Variants in LCTL observed in about 807,000 individuals in gnomAD.
LCTL encodes the protein lactase like, also known as lactase-like protein.
LCTL carries 76 observed loss-of-function variants against 75.8 expected under a neutral mutation model. That is an observed-to-expected ratio of 1.00 (90% CI 0.83 to 1.21). The LOEUF is 1.21. Among genes scored for constraint, LCTL ranks in the 50% most tolerant of loss-of-function variants. LCTL has a pLI of 0.00. For synonymous variants in LCTL, 271 were observed against 268.8 expected (o/e 1.01, Z -0.08); for missense variants, 670 against 712.4 (o/e 0.94, Z 0.68).
At chr15:66,561,454 T>C in intron 4 of LCTL, 139 bp from the exon 6 acceptor site, 1 of 923,374 alleles carries the variant, frequency 1.1e-6, no homozygotes, top group Non-Finnish European at 1.7e-6. Flanking sequence ...TAGAAAGAAC[T>C]GGATGGATTG....
intron 6 of LCTL, among the ~76,000 whole-genome samples, chr15:66,560,365 G>T (rs1429489776): frequency 6.6e-6 from 1 of 152,020 alleles, no homozygotes; most frequent in African/African-American, 2.4e-5. Context: ...CTTCCCCAGC[G>T]ACAAGGCTTT....
chr15:66,557,152 G>C lies in LCTL; in HGVS notation c.922+570C>G, dbSNP rs554221919. 2.6e-5 allele frequency among the ~76,000 whole-genome samples: 4 copies of C among 152,228 alleles called. No individual in the cohort carries two copies. In the South Asian group the frequency reaches 8.3e-4, roughly 32 times the overall value. ...TGGGTCCTCAAGGGCACCCCTGAAG[G>C]CTAGATTACCTAGCCCTGCATCACC... On this transcript the variant is annotated intron_variant, in intron 8 of 12. Coordinates refer to ENST00000341509, the Ensembl canonical transcript of LCTL.
At chr15:66,559,021 T>G (rs1028651155) in intron 6 of LCTL, among the ~76,000 whole-genome samples, 1 of 151,766 alleles carries the variant, frequency 6.6e-6, no homozygotes, top group Admixed American at 6.6e-5. Context: ...AATAAGCTTG[T>G]TTTTTGTTTT....
exon 5 of LCTL, chr15:66,561,232 G>T (rs1372871896): frequency 6.2e-7 from 1 of 1,614,100 alleles, no homozygotes; most frequent in Non-Finnish European, 8.5e-7. Context: ...GGTCCCCAAA[G>T]GCCTCAAAGC....
chr15:66,564,353 G>T (rs1454585131), intron 2 of LCTL: 2 of 470,354 alleles, frequency 4.3e-6, no homozygotes, highest in Admixed American at 7.3e-5. Context: ...GGGACCAGGG[G>T]TTCAGGCCAC....
intron 9 of LCTL, among the ~76,000 whole-genome samples, chr15:66,552,603 G>C (rs1006901166): frequency 6.6e-6 from 1 of 150,584 alleles, no homozygotes; most frequent in African/African-American, 2.4e-5. Flanking sequence ...CTGGAAGGCA[G>C]AGGTGGCAGT....
intron 4 of LCTL, 57 bp downstream of exon 5, chr15:66,563,459 G>T (rs1051492915): frequency 2.4e-6 from 3 of 1,240,240 alleles, no homozygotes; most frequent in Non-Finnish European, 3.5e-6. Context: ...CTCAAACTGG[G>T]CTCCCTCCTG....
chr15:66,557,939 G>A (rs1342323656), intron 7 of LCTL, 43 bp downstream of exon 8: 1 of 1,608,574 alleles, frequency 6.2e-7, no homozygotes, highest in Non-Finnish European at 8.5e-7. Flanking sequence ...TGCTGCTCCG[G>A]GCACTTGGCT....
chr15:66,558,183 C>CAAGAAGT, intron 6 of LCTL, 147 bp from the exon 8 acceptor site: 2 of 578,444 alleles, frequency 3.5e-6, no homozygotes, highest in Non-Finnish European at 5.7e-6. Flanking sequence ...CTTCTTTCCT[C>CAAGAAGT]TAACTTCTTG....
chr15:66,551,661 C>T lies in LCTL; in HGVS notation c.1524+1G>A, dbSNP rs200617252. Reference sequence around the variant, plus strand: ...CAGATAACATTGATAATGAGGCCTACCTCTCTTGGATTGGGAAACCCATTG... The same window carrying T: ...CAGATAACATTGATAATGAGGCCTATCTCTCTTGGATTGGGAAACCCATTG... On this transcript the variant is annotated splice_donor_variant, in intron 11 of 12. Coordinates refer to ENST00000341509, the Ensembl canonical transcript of LCTL. LOFTEE classifies it high-confidence loss of function. 1.2e-6 allele frequency: 2 copies of T among 1,612,264 alleles called. No individual in the cohort carries two copies. The highest frequency in any genetic ancestry group is 1.7e-5 in the Admixed American group (1 of 59,986).
At chr15:66,565,214 A>G in intron 1 of LCTL, 34 bp downstream of exon 2, 1 of 1,417,102 alleles carries the variant, frequency 7.1e-7, no homozygotes, top group Non-Finnish European at 1.0e-6. Flanking sequence ...TGGACGACAG[A>G]CAGGCAGACA....
chr15:66,561,088 TTTTCTGCCATTGCC>T lies in LCTL; in HGVS notation c.610-1_622del. 1 of 1,614,162 alleles carries T rather than the reference TTTTCTGCCATTGCC, an allele frequency of 6.2e-7. No individual in the cohort carries two copies. Among genetic ancestry groups the T allele is most frequent in the Non-Finnish European group, 8.5e-7 (1 of 1,180,026 alleles). On this transcript the variant is annotated splice_acceptor_variant and coding_sequence_variant, in exon 6 of 13. Coordinates refer to ENST00000341509, the Ensembl canonical transcript of LCTL. LOFTEE classifies it high-confidence loss of function. ...CGCATGGTGGCCCGTCTCATAGCCT[TTTTCTGCCATTGCC>T]TATAGGGACAGCAAGCAGGACCACA...
chr15:66,564,806 T>C, exon 2 of LCTL: 1 of 1,613,230 alleles, frequency 6.2e-7, no homozygotes, highest in Non-Finnish European at 8.5e-7. Context: ...GCCCTCCGTC[T>C]GGTAGGCAGA....
chr15:66,563,792 A>G (rs1895953283), intron 3 of LCTL, 119 bp downstream of exon 4: 4 of 883,662 alleles, frequency 4.5e-6, no homozygotes, highest in Non-Finnish European at 7.3e-6. Flanking sequence ...GAGAGCTGCT[A>G]CCGTCAGCAA....
intron 8 of LCTL, among the ~76,000 whole-genome samples, chr15:66,554,326 G>T (rs1436113632): frequency 6.6e-6 from 1 of 151,456 alleles, no homozygotes; most frequent in African/African-American, 2.4e-5. Context: ...TGGCTTGGTG[G>T]TGGGCATCTG....
chr15:66,563,230 C>G (rs1895939325), intron 4 of LCTL, among the ~76,000 whole-genome samples: 1 of 152,212 alleles, frequency 6.6e-6, no homozygotes, highest in Admixed American at 6.5e-5. Flanking sequence ...TCACCAGAGT[C>G]TGCACCTGCC....
chr15:66,551,491 A>G (rs1459093677), intron 11 of LCTL, among the ~76,000 whole-genome samples, 171 bp downstream of exon 12: 5 of 152,030 alleles, frequency 3.3e-5, no homozygotes, highest in Admixed American at 3.3e-4. Context: ...AGTTTACATC[A>G]TGCTTGCTCC....
intron 1 of LCTL, 107 bp from the exon 3 acceptor site, chr15:66,564,946 G>T: frequency 1.9e-6 from 2 of 1,053,856 alleles, no homozygotes; most frequent in Non-Finnish European, 1.4e-6. Flanking sequence ...TCCCTACCAC[G>T]CTGCCCCTGT....
chr15:66,550,240 T>G (rs970366392), intron 11 of LCTL, 136 bp from the exon 13 acceptor site: 4 of 600,872 alleles, frequency 6.7e-6, no homozygotes, highest in Non-Finnish European at 1.2e-5. Context: ...TAAATCATTT[T>G]GTAGTTTAAA....
Sources: allele counts gnomAD v4.1 joint callset (sites outside exome capture counted in the v4.1 genomes callset), GRCh38; gene constraint gnomAD v4.1.1; transcripts MANE v1.5; gene names NCBI Gene and HGNC (gene_info 2026-07-23, HGNC 2026-07-21).